The following BACH2 variants were observed in gnomAD, a reference collection of about 807,000 sequenced individuals.
The protein encoded by BACH2 is transcription regulator protein BACH2.
A neutral mutation model predicts 61.8 loss-of-function variants in BACH2; 5 were observed. The observed-to-expected ratio is 0.08, with a 90% CI of 0.04 to 0.17. The LOEUF (loss-of-function observed/expected upper bound fraction) is 0.17, where lower values mean the gene tolerates loss of function less well. Among genes scored for constraint, BACH2 ranks in the 10% least tolerant of loss-of-function variants. The pLI, the probability that BACH2 is intolerant of heterozygous loss-of-function variation, is 1.00. For synonymous variants in BACH2, 446 were observed against 440.1 expected, an observed-to-expected ratio of 1.01 and a Z score of -0.17; for missense variants, 824 against 1,091.1, an observed-to-expected ratio of 0.76 and a Z score of 3.45.
At position 90,117,641 on chromosome 6, in the gene BACH2, C is replaced by T. The variant is rs139247500; in HGVS notation, c.-161-28532G>A. 2.9e-3 allele frequency among the ~76,000 whole-genome samples: 445 copies of T among 152,278 alleles called. 3 individuals carry two copies. Among genetic ancestry groups the T allele is most frequent in the Non-Finnish European group, 4.6e-3 (311 of 68,016 alleles). ...AGCACCTAGACTGCTACCTAAGACA[C>T]AACAGGTGCTCAAAAATAATTATGG... On this transcript the variant is annotated intron_variant, in intron 4 of 8. Coordinates refer to ENST00000257749, the MANE Select transcript of BACH2 (RefSeq NM_021813.4).
At chr6:90,002,495 G>A (rs1777187247) in intron 6 of BACH2, among the ~76,000 whole-genome samples, 1 of 152,184 alleles carries the variant, frequency 6.6e-6, no homozygotes, top group Non-Finnish European at 1.5e-5. Context: ...AGAAGGCCGG[G>A]CATGGTGGCT....
intron 4 of BACH2, among the ~76,000 whole-genome samples, chr6:90,201,179 T>C (rs1490390070): frequency 6.6e-6 from 1 of 152,206 alleles, no homozygotes; most frequent in Non-Finnish European, 1.5e-5. Flanking sequence ...TCTGAACACA[T>C]CCATGGCGGT....
intron 5 of BACH2, among the ~76,000 whole-genome samples, chr6:90,065,270 CTTTTTTTTTTTT>C (rs71027920): frequency 7.6e-4 from 40 of 52,666 alleles, no homozygotes; most frequent in African/African-American, 1.8e-3. Flanking sequence ...GCCGCCCCCA[CTTTTTTTTTTTT>C]TTTTTTTTTT....
chr6:89,947,073 C>T (rs1327612437), intron 7 of BACH2, among the ~76,000 whole-genome samples: 2 of 152,148 alleles, frequency 1.3e-5, no homozygotes, highest in Non-Finnish European at 2.9e-5. Flanking sequence ...GGAAAACACA[C>T]GCGAAGTATT....
At chr6:90,296,254 G>T (rs1772379464) in intron 1 of BACH2, among the ~76,000 whole-genome samples, 1 of 151,902 alleles carries the variant, frequency 6.6e-6, no homozygotes, top group African/African-American at 2.4e-5. Context: ...CACACATTCG[G>T]CGCGGCGCGG....
chr6:90,055,373 G>A (rs1780282354), intron 5 of BACH2, among the ~76,000 whole-genome samples: 1 of 152,168 alleles, frequency 6.6e-6, no homozygotes, highest in South Asian at 2.1e-4. Context: ...AAGGGTATCA[G>A]TGATGGAAGA....
At chr6:89,952,387 A>T (rs1774181658) in intron 6 of BACH2, among the ~76,000 whole-genome samples, 1 of 152,206 alleles carries the variant, frequency 6.6e-6, no homozygotes, top group South Asian at 2.1e-4. Flanking sequence ...GTTAAAAGAG[A>T]CATTAAAACA....
At chr6:89,941,261 T>A (rs1038287090) in intron 7 of BACH2, among the ~76,000 whole-genome samples, 1 of 152,146 alleles carries the variant, frequency 6.6e-6, no homozygotes, top group African/African-American at 2.4e-5. Context: ...CAAAGGCAAA[T>A]GTACAAAATG....
chr6:90,047,443 C>T (rs945255723), intron 5 of BACH2, among the ~76,000 whole-genome samples: 1 of 152,172 alleles, frequency 6.6e-6, no homozygotes, highest in African/African-American at 2.4e-5. Context: ...AATGCTTCTC[C>T]ACAGATGCCC....
At chr6:90,019,543 C>T (rs1284862948) in intron 5 of BACH2, among the ~76,000 whole-genome samples, 1 of 152,156 alleles carries the variant, frequency 6.6e-6, no homozygotes, top group East Asian at 1.9e-4. Context: ...TCCAGATCTA[C>T]AATTCTATGA....
At chr6:90,142,169 TC>T (rs1784483292) in intron 4 of BACH2, among the ~76,000 whole-genome samples, 1 of 152,224 alleles carries the variant, frequency 6.6e-6, no homozygotes, top group Non-Finnish European at 1.5e-5. Flanking sequence ...ATCTAACACC[TC>T]TCATTGTCTG....
At chr6:89,954,342 G>A (rs762370481) in intron 6 of BACH2, among the ~76,000 whole-genome samples, 7 of 150,788 alleles carry the variant, frequency 4.6e-5, no homozygotes, top group Non-Finnish European at 8.9e-5. Flanking sequence ...TAGGGTACAT[G>A]TGCATAATGT....
chr6:90,203,226 C>G (rs1769015652), intron 4 of BACH2, among the ~76,000 whole-genome samples: 1 of 151,032 alleles, frequency 6.6e-6, no homozygotes, highest in South Asian at 2.1e-4. Context: ...GCCTGGGTAA[C>G]ATGGCGAAAC....
intron 2 of BACH2, among the ~76,000 whole-genome samples, chr6:90,270,949 C>T (rs1771499008): frequency 6.6e-6 from 1 of 152,052 alleles, no homozygotes; most frequent in Non-Finnish European, 1.5e-5. Flanking sequence ...TGATCTTTGA[C>T]AAAGCAAACA....
Position 89,929,873 on chromosome 6 carries a change from A to C in BACH2, c.*2535T>G, listed in dbSNP as rs1772541949. 6.6e-6 allele frequency: 1 copy of C among 152,274 alleles called. No individual in the cohort carries two copies. The highest frequency in any genetic ancestry group is 2.1e-4 in the South Asian group (1 of 4,834). 9.4% of individuals were successfully genotyped at this position (152,274 alleles called of 1,614,324 possible). Reference sequence around the variant, plus strand: ...TGTTCTTTTTTTAAAAGAAGAGGAGAGGTCACTTGGAAAGGCAACAATAGA... The same window carrying C: ...TGTTCTTTTTTTAAAAGAAGAGGAGCGGTCACTTGGAAAGGCAACAATAGA... On this transcript the variant is annotated 3_prime_UTR_variant, in exon 9 of 9. Transcript: ENST00000257749.
rs1314342419 is a variant in BACH2 at position 90,012,783 on chromosome 6, A to T, written c.-12-3927T>A. ...TGGGTTCAAGTGATTCTCCTGCCTC[A>T]GCCTCCGGAGTAGCTGGAATTAAAG... On this transcript the variant is annotated intron_variant, in intron 5 of 8. Transcript: ENST00000257749. Among the ~76,000 whole-genome samples the T allele has an allele frequency of 3.3e-5, 5 of 151,842 alleles. No individual in the cohort carries two copies. The East Asian group carries it at 7.9e-4, about 24-fold the overall frequency.
chr6:90,246,017 C>T (rs1414712135), intron 3 of BACH2, among the ~76,000 whole-genome samples: 4 of 152,196 alleles, frequency 2.6e-5, no homozygotes, highest in South Asian at 2.1e-4. Flanking sequence ...AGGAGTGGGA[C>T]GTGGCAGAAG....
At chr6:90,096,282 A>C (rs1489110741) in intron 4 of BACH2, among the ~76,000 whole-genome samples, 2 of 152,154 alleles carry the variant, frequency 1.3e-5, no homozygotes. Flanking sequence ...TCTGCCTAGA[A>C]TTCCCTCCCA....
chr6:90,194,521 G>T (rs1768688089), intron 4 of BACH2, among the ~76,000 whole-genome samples: 1 of 152,146 alleles, frequency 6.6e-6, no homozygotes. Flanking sequence ...TGTGAGATGT[G>T]GCAGCCGATT....
Sources: allele counts gnomAD v4.1 joint callset (sites outside exome capture counted in the v4.1 genomes callset), GRCh38; gene constraint gnomAD v4.1.1; transcripts MANE v1.5; gene names NCBI Gene and HGNC (gene_info 2026-07-23, HGNC 2026-07-21).